AFAP1: variants seen among roughly 807,000 people sequenced by gnomAD.
AFAP1 encodes the protein actin filament associated protein 1, also known as actin filament-associated protein 1.
Under a neutral mutation model 93.9 loss-of-function variants are expected in AFAP1, and 75 were observed. The observed-to-expected ratio is 0.80, with a 90% CI of 0.66 to 0.97. AFAP1 has a LOEUF of 0.97. Among genes scored for constraint, AFAP1 ranks in the 50% least tolerant of loss-of-function variants. AFAP1 has a pLI of 0.00. For synonymous variants in AFAP1, 517 were observed against 430.7 expected, an observed-to-expected ratio of 1.20 and a Z score of -2.48; for missense variants, 1,201 against 1,050.8, an observed-to-expected ratio of 1.14 and a Z score of -1.98.
At position 7,863,163 on chromosome 4, in the gene AFAP1, C is replaced by T. The variant is rs142288263; in HGVS notation, c.225+5459G>A. 3.5e-3 allele frequency among the ~76,000 whole-genome samples: 534 copies of T among 152,352 alleles called. 1 individual carries two copies. The highest frequency in any genetic ancestry group is 5.1e-3 in the Non-Finnish European group (347 of 68,038). On this transcript the variant is annotated intron_variant, in intron 3 of 17. Coordinates refer to ENST00000420658, the MANE Select transcript of AFAP1 (RefSeq NM_001134647.2). Reference sequence around the variant, plus strand: ...AGGCGCGGTGGCTCACGCCTATAATCCTAACAGTTTAGGAGGCCGGGGTGT... The same window carrying T: ...AGGCGCGGTGGCTCACGCCTATAATTCTAACAGTTTAGGAGGCCGGGGTGT...
At chr4:7,765,919 G>T (rs1463131676) in intron 17 of AFAP1, among the ~76,000 whole-genome samples, 1 of 152,180 alleles carries the variant, frequency 6.6e-6, no homozygotes, top group Non-Finnish European at 1.5e-5. Context: ...CACCAAAGAG[G>T]GACTTTCTTC....
At chr4:7,832,685 A>G (rs1711773198) in intron 6 of AFAP1, among the ~76,000 whole-genome samples, 1 of 146,848 alleles carries the variant, frequency 6.8e-6, no homozygotes, top group Non-Finnish European at 1.5e-5. Flanking sequence ...AAAAAAAAAG[A>G]GCCCACATAG....
chr4:7,920,534 A>G (rs549428584), intron 1 of AFAP1, among the ~76,000 whole-genome samples: 9 of 152,352 alleles, frequency 5.9e-5, no homozygotes, highest in African/African-American at 2.2e-4. Context: ...AGGAAAGATA[A>G]TTATCAAGGA....
intron 1 of AFAP1, among the ~76,000 whole-genome samples, chr4:7,922,936 G>T (rs185722705): frequency 6.6e-6 from 1 of 152,336 alleles, no homozygotes; most frequent in Non-Finnish European, 1.5e-5. Context: ...TAGGGTTACA[G>T]TGAGCTATGA....
At chr4:7,844,590 A>C (rs915412205) in intron 4 of AFAP1, among the ~76,000 whole-genome samples, 4 of 152,244 alleles carry the variant, frequency 2.6e-5, no homozygotes, top group Non-Finnish European at 5.9e-5. Flanking sequence ...GAAGAAAAGG[A>C]GACCATCTCG....
intron 9 of AFAP1, among the ~76,000 whole-genome samples, chr4:7,802,056 A>AAAAG (rs34533776): frequency 0.84 from 126,642 of 151,644 alleles, 53,210 homozygotes; most frequent in African/African-American, 0.92. Context: ...AAGACAAAAA[A>AAAAG]AGAGAGGTAT....
At chr4:7,932,934 C>T (rs1373674502) in intron 1 of AFAP1, among the ~76,000 whole-genome samples, 1 of 150,756 alleles carries the variant, frequency 6.6e-6, no homozygotes, top group Non-Finnish European at 1.5e-5. Context: ...GCAGGAGAAT[C>T]CCTTGAACCT....
intron 1 of AFAP1, among the ~76,000 whole-genome samples, chr4:7,888,565 C>G (rs1163299849): frequency 1.3e-5 from 2 of 152,128 alleles, no homozygotes; most frequent in African/African-American, 2.4e-5. Context: ...AAAGAATAAA[C>G]AGACTATCTG....
In AFAP1 at chr4:7,819,109, T is replaced by C. The variant is rs200660815; in HGVS notation, c.789A>G (p.Pro263=). ...GTTCTGCCTTGTGCACCGGGGAGCT[T>C]GGTGGAGGAGGACACTCTGAATCCA... ...GPVDSECPPP[P]SSPVHKAELE... Residue 263 remains proline, a synonymous_variant, in exon 7 of 18, where the codon CCA becomes CCG. Transcript: ENST00000420658. 34 of 1,613,602 alleles carry C rather than the reference T, an allele frequency of 2.1e-5. No homozygotes were observed. Among genetic ancestry groups the C allele is most frequent in the Admixed American group, 1.7e-5 (1 of 59,900 alleles).
intron 3 of AFAP1, 42 bp from the exon 4 acceptor site, chr4:7,855,616 A>G: frequency 6.8e-7 from 1 of 1,464,968 alleles, no homozygotes; most frequent in East Asian, 2.3e-5. Context: ...TAGCATGACC[A>G]TTAGAAGGAA....
At chr4:7,928,235 T>C (rs2149242992) in intron 1 of AFAP1, among the ~76,000 whole-genome samples, 1 of 152,312 alleles carries the variant, frequency 6.6e-6, no homozygotes, top group South Asian at 2.1e-4. Context: ...CAATGAGGCC[T>C]GGGAGAAAGC....
chr4:7,877,357 C>A (rs982147094), intron 1 of AFAP1, among the ~76,000 whole-genome samples: 7 of 152,232 alleles, frequency 4.6e-5, no homozygotes, highest in African/African-American at 1.2e-4. Context: ...GCAGCGAAGA[C>A]GCACTGCGCC....
intron 14 of AFAP1, chr4:7,777,082 T>A (rs1439237287): frequency 2.6e-5 from 4 of 152,230 alleles, no homozygotes; most frequent in Non-Finnish European, 5.9e-5. Context: ...GCACAGGTAC[T>A]GACAGAGAAA....
At chr4:7,811,851 C>T (rs1434865888) in intron 8 of AFAP1, among the ~76,000 whole-genome samples, 1 of 152,214 alleles carries the variant, frequency 6.6e-6, no homozygotes, top group African/African-American at 2.4e-5. Flanking sequence ...AGCTGACTAA[C>T]GCAACACAGT....
chr4:7,931,287 C>A (rs1251936783), intron 1 of AFAP1, among the ~76,000 whole-genome samples: 1 of 152,160 alleles, frequency 6.6e-6, no homozygotes, highest in Non-Finnish European at 1.5e-5. Flanking sequence ...TAATTTCTGA[C>A]TCTTAGAACT....
intron 1 of AFAP1, among the ~76,000 whole-genome samples, chr4:7,923,220 T>C (rs570641507): frequency 6.6e-6 from 1 of 152,334 alleles, no homozygotes; most frequent in African/African-American, 2.4e-5. Flanking sequence ...TTTATTTTCA[T>C]GGCATCACCA....
chr4:7,790,691 C>T (rs11731850), intron 11 of AFAP1, among the ~76,000 whole-genome samples: 18,114 of 151,280 alleles, frequency 0.12, 1,596 homozygotes, highest in East Asian at 0.48. Flanking sequence ...TTCTTTACTG[C>T]ATAGTACTTA....
At chr4:7,790,287 A>T (rs1717747492) in intron 11 of AFAP1, among the ~76,000 whole-genome samples, 1 of 152,228 alleles carries the variant, frequency 6.6e-6, no homozygotes, top group African/African-American at 2.4e-5. Flanking sequence ...TCCTATAAAG[A>T]CTTTAACGAG....
intron 1 of AFAP1, among the ~76,000 whole-genome samples, chr4:7,898,461 C>G (rs1181956478): frequency 6.6e-6 from 1 of 151,964 alleles, no homozygotes; most frequent in East Asian, 1.9e-4. Flanking sequence ...CGCCTTTCAC[C>G]CTACCCTGCA....
Sources: allele counts gnomAD v4.1 joint callset (sites outside exome capture counted in the v4.1 genomes callset), GRCh38; gene constraint gnomAD v4.1.1; transcripts MANE v1.5; gene names NCBI Gene and HGNC (gene_info 2026-07-23, HGNC 2026-07-21).